SRCAP: variants seen among roughly 807,000 people sequenced by gnomAD.
SRCAP encodes Snf2 related CREBBP activator protein.
Under a neutral mutation model 263.1 loss-of-function variants are expected in SRCAP, and 46 were observed. The observed-to-expected ratio is 0.17, with a 90% confidence interval of 0.14 to 0.22. SRCAP has a LOEUF of 0.22. Among genes scored for constraint, SRCAP ranks in the 10% least tolerant of loss-of-function variants. The pLI is 1.00. For synonymous variants in SRCAP, 1,813 were observed against 1,662.1 expected, an observed-to-expected ratio of 1.09 and a Z score of -2.21; for missense variants, 3,695 against 4,181.9, an observed-to-expected ratio of 0.88 and a Z score of 3.21.
chr16:30,723,505 G>A, intron 24 of SRCAP, 79 bp from the exon 25 acceptor site: 2 of 1,527,054 alleles, frequency 1.3e-6, no homozygotes, highest in Non-Finnish European at 1.8e-6. Flanking sequence ...GGAAGCTTGG[G>A]GGTATGGGAA....
Position 30,707,572 on chromosome 16 carries a change from G to C in SRCAP, c.493G>C (p.Val165Leu), listed in dbSNP as rs376390874. The change falls in exon 6 of 34, where the codon GTG becomes CTG. Residue 165 changes from valine to leucine, a missense_variant and splice_region_variant. Coordinates refer to ENST00000262518, the MANE Select transcript of SRCAP (RefSeq NM_006662.3). ...RRWKRGVARK[V>L]VRMVIRHHEE... ...TCACCCTGGGTCTTCATTCCCACAG[G>C]TGGTGCGCATGGTGATCCGGCACCA... is the stretch of plus-strand genomic sequence containing the variant. 4.3e-6 allele frequency: 7 copies of C among 1,612,774 alleles called. No individual in the cohort carries two copies. The highest frequency in any genetic ancestry group is 1.7e-5 in the Admixed American group (1 of 59,708).
intron 6 of SRCAP, among the ~76,000 whole-genome samples, chr16:30,708,683 C>T (rs1284356155): frequency 2.0e-5 from 3 of 152,046 alleles, no homozygotes; most frequent in Admixed American, 6.6e-5. Context: ...CGTGAGCCAC[C>T]GCACCTGGCC....
At position 30,704,213 on chromosome 16, in the gene SRCAP, A is replaced by C; in HGVS notation, c.204A>C (p.Thr68=). The change falls in exon 4 of 34, where the codon ACA becomes ACC. Residue 68 remains threonine (T), a synonymous_variant. Transcript: ENST00000262518. ...DGPPGPPDGA[T]VPLEGFSLSQ... ...CTCCAGGCCCCCCAGATGGTGCCAC[A>C]GTGCCCCTGGAGGGGTTCAGCTTAT... 6.2e-7 allele frequency: 1 copy of C among 1,614,186 alleles called. No homozygotes were observed. Among genetic ancestry groups the C allele is most frequent in the Non-Finnish European group, 8.5e-7 (1 of 1,180,022 alleles).
At chr16:30,701,179 C>T (rs1282814839) in intron 3 of SRCAP, among the ~76,000 whole-genome samples, 3 of 152,136 alleles carry the variant, frequency 2.0e-5, no homozygotes, top group Non-Finnish European at 4.4e-5. Context: ...AGTTTAACTT[C>T]TATCAGTACT....
rs781224502 is a variant in SRCAP, at chr16:30,723,181, G to A, written c.4111G>A (p.Val1371Met). The change falls in exon 24 of 34, where the codon GTG (valine) becomes ATG (methionine). Residue 1371 changes from valine to methionine, a missense_variant. Physicochemically the swap from Val to Met is conservative, Grantham distance 21 (BLOSUM62 1). This residue lies in a region of SRCAP where 1,347 missense variants were observed against 1,304.4 expected (regional missense o/e 1.03). Transcript: ENST00000262518. ...ARAPMPTPTL[V>M]RPLLKLVHSP... is the part of the protein sequence containing the mutation. ...AGCCCCCATGCCCACACCCACTCTG[G>A]TGAGGCCTCTTCTCAAGCTGGTCCA... is the stretch of plus-strand genomic sequence containing the variant. The A allele has an allele frequency of 2.5e-6, 4 of 1,613,914 alleles. No individual in the cohort carries two copies. Among genetic ancestry groups the A allele is most frequent in the East Asian group, 4.5e-5 (2 of 44,882 alleles).
chr16:30,719,803 C>T (rs561335094), intron 18 of SRCAP, among the ~76,000 whole-genome samples: 4 of 152,246 alleles, frequency 2.6e-5, no homozygotes, highest in African/African-American at 7.2e-5. Context: ...TTTGAGCCAC[C>T]GTGCCTAGCC....
chr16:30,723,251 C>T, intron 24 of SRCAP, 22 bp downstream of exon 24: 1 of 1,574,460 alleles, frequency 6.4e-7, no homozygotes, highest in Non-Finnish European at 8.6e-7. Context: ...TGGCTGAGGC[C>T]AGAAATCCTT....
intron 27 of SRCAP, among the ~76,000 whole-genome samples, chr16:30,732,945 C>T (rs1164223806): frequency 6.6e-6 from 1 of 152,186 alleles, no homozygotes; most frequent in Non-Finnish European, 1.5e-5. Context: ...CCCGAGTTCT[C>T]ATGCCTCAGC....
intron 9 of SRCAP, 44 bp downstream of exon 9, chr16:30,710,891 T>A (rs1419746837): frequency 6.2e-7 from 1 of 1,608,058 alleles, no homozygotes; most frequent in East Asian, 2.2e-5. Context: ...ACCCCTTGAA[T>A]GAATTGTCTG....
chr16:30,708,720 G>T lies in SRCAP; in HGVS notation c.634-793G>T, dbSNP rs570620895. Among the ~76,000 whole-genome samples, 5 of 152,264 alleles carry T rather than the reference G, an allele frequency of 3.3e-5. No homozygotes were observed. In the East Asian group the frequency reaches 5.8e-4, roughly 18 times the overall value. On this transcript the variant is annotated intron_variant, in intron 6 of 33. Coordinates refer to ENST00000262518, the MANE Select transcript of SRCAP (RefSeq NM_006662.3). ...AAAAATATTTTTTTGTGGAGACAAG[G>T]TCTCGCTGTTACATACCAAGCTGAT...
Position 30,723,899 on chromosome 16 carries a change from C to T in SRCAP, c.4475C>T (p.Ser1492Phe). 1.9e-6 allele frequency: 3 copies of T among 1,614,164 alleles called. No individual in the cohort carries two copies. Among genetic ancestry groups the T allele is most frequent in the Non-Finnish European group, 2.5e-6 (3 of 1,180,032 alleles). ...PVVPAAPGPP[S>F]LAPSGASPSA... ...GTCCCAGCGGCTCCTGGACCTCCCT[C>T]CTTGGCACCATCTGGTGCTTCCCCG... is the stretch of plus-strand genomic sequence containing the variant. The change falls in exon 25 of 34, where the codon TCC becomes TTC. Residue 1492 changes from serine to phenylalanine, a missense_variant. Physicochemically the swap from Ser to Phe is radical, Grantham distance 155 (BLOSUM62 -2). Transcript: ENST00000262518.
chr16:30,707,554 G>A lies in SRCAP; in HGVS notation c.493-18G>A. The A allele has an allele frequency of 6.2e-7, 1 of 1,611,504 alleles. No individual in the cohort carries two copies. Among genetic ancestry groups the A allele is most frequent in the Non-Finnish European group, 8.5e-7 (1 of 1,178,868 alleles). ...GTCTGGCTTTGAGTGTTTTCACCCT[G>A]GGTCTTCATTCCCACAGGTGGTGCG... On this transcript the variant is annotated intron_variant, in intron 5 of 33. Coordinates refer to ENST00000262518, the MANE Select transcript of SRCAP (RefSeq NM_006662.3).
At position 30,739,525 on chromosome 16, in the gene SRCAP, C is replaced by T. The variant is rs1378923304; in HGVS notation, c.9485C>T (p.Pro3162Leu). 8.1e-6 allele frequency: 13 copies of T among 1,612,160 alleles called. No homozygotes were observed. The highest frequency in any genetic ancestry group is 1.0e-5 in the Non-Finnish European group (12 of 1,179,182). The change falls in exon 34 of 34, where the codon CCC (proline) becomes CTC (leucine). Residue 3162 changes from proline to leucine, a missense_variant. By Grantham distance (98) the Pro-to-Leu change is moderately conservative. Coordinates refer to ENST00000262518, the MANE Select transcript of SRCAP (RefSeq NM_006662.3). ...AKRGRLQPPSPLGPEGSVEES... is the reference protein window; with the variant it reads ...AKRGRLQPPSLLGPEGSVEES... ...CGGGGCCGCCTACAGCCCCCAAGTC[C>T]CCTGGGGCCTGAGGGTTCAGTAGAG... is the stretch of plus-strand genomic sequence containing the variant.
chr16:30,727,634 C>T (rs920626723), intron 25 of SRCAP, among the ~76,000 whole-genome samples: 2 of 152,154 alleles, frequency 1.3e-5, no homozygotes, highest in African/African-American at 4.8e-5. Flanking sequence ...CTCACTGCAA[C>T]CTCCGCCTCC....
chr16:30,734,520 A>G lies in SRCAP; in HGVS notation c.6634A>G (p.Met2212Val), dbSNP rs143500690. The G allele has an allele frequency of 3.1e-6, 5 of 1,613,888 alleles. No individual in the cohort carries two copies. Among genetic ancestry groups the G allele is most frequent in the Admixed American group, 3.3e-5 (2 of 59,962 alleles). ...KQQTIRELFD[M>V]PLEEPSSSSV... ...GCAGACCATCCGAGAGCTGTTTGAT[A>G]TGCCCCTGGAGGAACCTTCTAGCTC... Residue 2212 changes from methionine to valine, a missense_variant, in exon 31 of 34, where the codon ATG becomes GTG. Physicochemically the swap from Met to Val is conservative, Grantham distance 21 (BLOSUM62 1). Transcript: ENST00000262518.
chr16:30,704,523 T>G lies in SRCAP; in HGVS notation c.306+208T>G, dbSNP rs541336340. Among the ~76,000 whole-genome samples the G allele has an allele frequency of 7.9e-5, 12 of 152,260 alleles. No individual in the cohort carries two copies. In the South Asian group the frequency reaches 2.5e-3, roughly 32 times the overall value. ...AAAATAGGAATGATATAATAGTTTA[T>G]AGGCTATTAAGAGGTTTAAGTTATA... On this transcript the variant is annotated intron_variant, in intron 4 of 33. Transcript: ENST00000262518.
At chr16:30,728,848 A>C (rs2053086941) in intron 25 of SRCAP, 118 bp from the exon 26 acceptor site, 1 of 1,219,554 alleles carries the variant, frequency 8.2e-7, no homozygotes, top group East Asian at 2.5e-5. Flanking sequence ...TACAAAAAGC[A>C]TAGTGTATTT....
rs779147140 is a variant in SRCAP at position 30,739,002 on chromosome 16, A to G, written c.8962A>G (p.Thr2988Ala). The G allele has an allele frequency of 2.9e-5, 46 of 1,613,926 alleles. No individual in the cohort carries two copies. Among genetic ancestry groups the G allele is most frequent in the Non-Finnish European group, 3.6e-5 (42 of 1,179,996 alleles). Reference sequence around the variant, plus strand: ...ACCACTGCTAGTTTGTCCCACTGCTACTGTTGCCAACACTGTCACCACTGT... The same window carrying G: ...ACCACTGCTAGTTTGTCCCACTGCTGCTGTTGCCAACACTGTCACCACTGT... ...LPPLLVCPTA[T>A]VANTVTTVTI... The change falls in exon 34 of 34, where the codon ACT becomes GCT. Residue 2988 changes from threonine (T) to alanine (A), a missense_variant. Thr to Ala is a moderately conservative substitution (Grantham distance 58, BLOSUM62 0). Coordinates refer to ENST00000262518, the MANE Select transcript of SRCAP (RefSeq NM_006662.3).
At chr16:30,709,395 T>C (rs1480164141) in intron 6 of SRCAP, 118 bp from the exon 7 acceptor site, 1 of 1,044,906 alleles carries the variant, frequency 9.6e-7, no homozygotes, top group African/African-American at 1.6e-5. Context: ...TTATTTAGTT[T>C]TACTTTCCTA....
Sources: allele counts gnomAD v4.1 joint callset (sites outside exome capture counted in the v4.1 genomes callset), GRCh38; gene constraint gnomAD v4.1.1; regional missense constraint gnomAD v4.1.1; transcripts MANE v1.5; gene names NCBI Gene and HGNC (gene_info 2026-07-23, HGNC 2026-07-21).